ARMC3: variants seen among roughly 807,000 people sequenced by gnomAD.
The protein encoded by ARMC3 is armadillo repeat-containing protein 3.
In ARMC3, 74 loss-of-function variants were observed where a neutral mutation model predicts 90.3. That is an observed-to-expected ratio of 0.82 (90% confidence interval 0.68 to 0.99). ARMC3 has a LOEUF of 0.99. ARMC3 is among the 50% of genes least tolerant of loss of function. The pLI, the probability that ARMC3 is intolerant of heterozygous loss-of-function variation, is 0.00. For missense variants in ARMC3, 958 were observed against 1,042.8 expected, an observed-to-expected ratio of 0.92 and a Z score of 1.12; for synonymous variants, 334 against 361.8, an observed-to-expected ratio of 0.92 and a Z score of 0.87.
chr10:23,031,764 C>G (rs1402138406), intron 17 of ARMC3, among the ~76,000 whole-genome samples: 1 of 152,094 alleles, frequency 6.6e-6, no homozygotes, highest in Non-Finnish European at 1.5e-5. Flanking sequence ...TGAGGCCACA[C>G]CAAGATACAA....
At chr10:23,033,071 T>C (rs1208792666) in intron 18 of ARMC3, 48 bp downstream of exon 18, 1 of 1,585,740 alleles carries the variant, frequency 6.3e-7, no homozygotes, top group Admixed American at 1.8e-5. Context: ...AAATGCTTTG[T>C]CTTTATCATA....
intron 17 of ARMC3, 100 bp downstream of exon 17, chr10:23,030,896 T>A: frequency 7.5e-7 from 1 of 1,324,894 alleles, no homozygotes; most frequent in Non-Finnish European, 1.0e-6. Context: ...TAAATAAAAT[T>A]GAAGTTTACA....
In ARMC3 at chr10:23,033,385, A is replaced by T. The variant is rs191513046; in HGVS notation, c.2409+362A>T. Among the ~76,000 whole-genome samples the T allele has an allele frequency of 8.3e-4, 127 of 152,306 alleles. 1 individual carries two copies. Among genetic ancestry groups the T allele is most frequent in the African/African-American group, 3.0e-3 (125 of 41,576 alleles). ...TACCTAAACCAGACTTGCAGCTTCCAAAGTGAAGTCAGGGAAAATTCCAGA... is the reference window on the plus strand; with the variant it reads ...TACCTAAACCAGACTTGCAGCTTCCTAAGTGAAGTCAGGGAAAATTCCAGA... On this transcript the variant is annotated intron_variant, in intron 18 of 18. Transcript: ENST00000298032.
At chr10:23,008,962 C>T in intron 16 of ARMC3, 31 bp downstream of exon 16, 1 of 1,579,990 alleles carries the variant, frequency 6.3e-7, no homozygotes, top group Non-Finnish European at 8.7e-7. Context: ...CCTCATTACC[C>T]AGCCAGGCTG....
chr10:23,012,361 C>G (rs1056487448), intron 16 of ARMC3, among the ~76,000 whole-genome samples: 3 of 152,122 alleles, frequency 2.0e-5, no homozygotes, highest in Non-Finnish European at 4.4e-5. Context: ...ATCTTCTCAT[C>G]CTTTGCAATA....
At chr10:23,002,160 T>C in intron 12 of ARMC3, 105 bp downstream of exon 12, 2 of 1,461,346 alleles carry the variant, frequency 1.4e-6, no homozygotes, top group Non-Finnish European at 9.1e-7. Context: ...CGCTGCTCTC[T>C]CAGTCCGCTG....
chr10:22,951,147 C>G (rs7902817), intron 3 of ARMC3, among the ~76,000 whole-genome samples: 5,518 of 152,178 alleles, frequency 0.036, 312 homozygotes, highest in African/African-American at 0.12. Flanking sequence ...CTGTGTTAGC[C>G]AGGATGGTCT....
chr10:23,019,888 T>C (rs1364390038), intron 16 of ARMC3, among the ~76,000 whole-genome samples: 1 of 152,218 alleles, frequency 6.6e-6, no homozygotes, highest in Non-Finnish European at 1.5e-5. Context: ...AATAGGATCA[T>C]ACAGTGTGTA....
chr10:23,032,284 T>C (rs1168367994), intron 17 of ARMC3, among the ~76,000 whole-genome samples: 3 of 152,142 alleles, frequency 2.0e-5, no homozygotes, highest in Non-Finnish European at 4.4e-5. Context: ...TATTTTTCTT[T>C]TTGCCTCTTC....
chr10:23,007,471 C>T (rs999344071), intron 14 of ARMC3, among the ~76,000 whole-genome samples: 1 of 152,116 alleles, frequency 6.6e-6, no homozygotes, highest in Admixed American at 6.6e-5. Context: ...ACTTTGGGAG[C>T]CGAGGCGGGC....
In ARMC3 at chr10:23,006,837, T is replaced by C. The variant is rs750900875; in HGVS notation, c.1732-47T>C. On this transcript the variant is annotated intron_variant, in intron 13 of 18. Transcript: ENST00000298032. The stretch of plus-strand genomic sequence containing the variant: ...TTCTATCTGTATTCATTTTCGAAAA[T>C]ATGACCCCTGCAGATACTACTTTTT... The C allele has an allele frequency of 3.9e-6, 6 of 1,544,152 alleles. No homozygotes were observed. The South Asian group carries it at 6.7e-5, about 17-fold the overall frequency.
At chr10:23,022,208 T>C (rs939843502) in intron 16 of ARMC3, among the ~76,000 whole-genome samples, 7 of 152,274 alleles carry the variant, frequency 4.6e-5, no homozygotes, top group African/African-American at 1.7e-4. Context: ...TTTGAGTTAA[T>C]TTTTACATAC....
chr10:22,987,121 T>G (rs1836484069), intron 10 of ARMC3, among the ~76,000 whole-genome samples: 2 of 152,220 alleles, frequency 1.3e-5, no homozygotes, highest in Admixed American at 6.5e-5. Flanking sequence ...TCTTTTACAG[T>G]TAACAATTTG....
intron 10 of ARMC3, among the ~76,000 whole-genome samples, chr10:22,986,087 AC>A (rs1006691425): frequency 2.3e-5 from 3 of 128,216 alleles, no homozygotes; most frequent in African/African-American, 8.7e-5. Context: ...TATTTTCTGC[AC>A]CCCCACACCC....
At chr10:22,995,015 A>G (rs2131387570) in intron 10 of ARMC3, among the ~76,000 whole-genome samples, 1 of 152,364 alleles carries the variant, frequency 6.6e-6, no homozygotes, top group Admixed American at 6.5e-5. Flanking sequence ...AATATTTTCA[A>G]ATTATTGTGA....
intron 2 of ARMC3, among the ~76,000 whole-genome samples, chr10:22,943,411 G>C (rs1378931956): frequency 6.6e-6 from 1 of 151,808 alleles, no homozygotes; most frequent in Non-Finnish European, 1.5e-5. Context: ...GTGGAACTTT[G>C]GTTACTTATT....
At chr10:23,033,649 T>A (rs1027478305) in intron 18 of ARMC3, among the ~76,000 whole-genome samples, 6 of 152,144 alleles carry the variant, frequency 3.9e-5, no homozygotes, top group Admixed American at 1.3e-4. Context: ...CCCTAAAATA[T>A]AACAGTAGCC....
At chr10:23,032,268 T>C (rs1292991506) in intron 17 of ARMC3, among the ~76,000 whole-genome samples, 3 of 152,164 alleles carry the variant, frequency 2.0e-5, no homozygotes, top group Admixed American at 6.6e-5. Context: ...CACAGATCTG[T>C]GACTTTATTT....
chr10:22,964,440 A>ATTTTTTTTTTTTTTTTT (rs112985563), intron 7 of ARMC3, among the ~76,000 whole-genome samples: 1 of 138,468 alleles, frequency 7.2e-6, no homozygotes, highest in African/African-American at 2.7e-5. Context: ...TGTAGTGTTA[A>ATTTTTTTTTTTTTTTTT]TTTTTTTTTT....
Sources: allele counts gnomAD v4.1 joint callset (sites outside exome capture counted in the v4.1 genomes callset), GRCh38; gene constraint gnomAD v4.1.1; transcripts MANE v1.5; gene names NCBI Gene and HGNC (gene_info 2026-07-23, HGNC 2026-07-21).